The following CTNNA3 variants were observed in gnomAD, a reference collection of about 807,000 sequenced individuals.
CTNNA3 encodes the protein catenin alpha 3, also known as catenin alpha-3.
Under a neutral mutation model 95.7 loss-of-function variants are expected in CTNNA3, and 76 were observed. That is an observed-to-expected ratio of 0.79 (90% CI 0.66 to 0.96). The LOEUF is 0.96. Among genes scored for constraint, CTNNA3 ranks in the 40% least tolerant of loss-of-function variants. The pLI is 0.00. For missense variants in CTNNA3, 1,191 were observed against 1,089.8 expected, an observed-to-expected ratio of 1.09 and a Z score of -1.31; for synonymous variants, 431 against 374.4, an observed-to-expected ratio of 1.15 and a Z score of -1.74.
intron 5 of CTNNA3, among the ~76,000 whole-genome samples, chr10:67,389,322 A>G (rs1467005599): frequency 1.3e-5 from 2 of 150,886 alleles, no homozygotes; most frequent in Admixed American, 6.6e-5. Context: ...GAAGGCCATT[A>G]CATAATGGTA....
At chr10:66,716,735 T>C (rs1848462777) in intron 9 of CTNNA3, among the ~76,000 whole-genome samples, 2 of 152,288 alleles carry the variant, frequency 1.3e-5, no homozygotes, top group African/African-American at 4.8e-5. Flanking sequence ...GGCTTTACCC[T>C]AGGAGTAAGG....
At chr10:66,819,475 A>C (rs972290916) in intron 7 of CTNNA3, among the ~76,000 whole-genome samples, 7 of 152,178 alleles carry the variant, frequency 4.6e-5, no homozygotes, top group Non-Finnish European at 8.8e-5. Flanking sequence ...GCAGCGAAAA[A>C]TAAATAGGTA....
At chr10:67,725,812 G>T (rs186717516) in intron 1 of CTNNA3, among the ~76,000 whole-genome samples, 1 of 149,854 alleles carries the variant, frequency 6.7e-6, no homozygotes, top group Non-Finnish European at 1.5e-5. Context: ...CCCCTTATTC[G>T]CCAAAATCTT....
intron 7 of CTNNA3, among the ~76,000 whole-genome samples, chr10:67,009,384 CTTG>C (rs1852188571): frequency 6.6e-6 from 1 of 151,870 alleles, no homozygotes; most frequent in South Asian, 2.1e-4. Flanking sequence ...ATTTATTCCA[CTTG>C]TTGTTATTGC....
intron 12 of CTNNA3, among the ~76,000 whole-genome samples, chr10:66,282,062 G>A (rs1483719392): frequency 6.6e-6 from 1 of 151,806 alleles, no homozygotes; most frequent in Non-Finnish European, 1.5e-5. Flanking sequence ...TGTGACTAGT[G>A]ATTACCATTT....
intron 13 of CTNNA3, among the ~76,000 whole-genome samples, chr10:66,105,604 G>A (rs886930668): frequency 1.2e-4 from 19 of 152,202 alleles, no homozygotes; most frequent in African/African-American, 4.3e-4. Flanking sequence ...AGTCACAAGT[G>A]CCATTTTTGT....
At chr10:67,350,645 A>G (rs1428045104) in intron 5 of CTNNA3, among the ~76,000 whole-genome samples, 1 of 151,668 alleles carries the variant, frequency 6.6e-6, no homozygotes, top group African/African-American at 2.4e-5. Flanking sequence ...ACTGAGAAAC[A>G]TCTTTACACC....
intron 10 of CTNNA3, among the ~76,000 whole-genome samples, chr10:66,545,544 T>C (rs1359090320): frequency 6.6e-6 from 1 of 152,098 alleles, no homozygotes; most frequent in Non-Finnish European, 1.5e-5. Context: ...CTTCAGATTA[T>C]GTGTCTGGGA....
At chr10:65,926,196 A>T (rs1040040466) in intron 17 of CTNNA3, among the ~76,000 whole-genome samples, 5 of 151,616 alleles carry the variant, frequency 3.3e-5, no homozygotes, top group Non-Finnish European at 5.9e-5. Context: ...TGAATGCTTA[A>T]TTACATATAA....
At chr10:67,663,795 C>T (rs1427309005) in intron 1 of CTNNA3, among the ~76,000 whole-genome samples, 5 of 152,088 alleles carry the variant, frequency 3.3e-5, no homozygotes. Flanking sequence ...TAACTACTAC[C>T]CTCTTGTCTT....
chr10:66,775,573 T>C (rs1392438485), intron 7 of CTNNA3, 49 bp from the exon 8 acceptor site: 2 of 1,328,344 alleles, frequency 1.5e-6, no homozygotes, highest in East Asian at 2.3e-5. Context: ...TTAATCTTTA[T>C]CACTTAGCAA....
intron 2 of CTNNA3, among the ~76,000 whole-genome samples, chr10:67,616,534 G>A (rs1351555690): frequency 6.6e-6 from 1 of 152,198 alleles, no homozygotes. Context: ...ATATTCTAAA[G>A]TGTCAACAAG....
chr10:66,388,745 A>T (rs373380247), intron 11 of CTNNA3, among the ~76,000 whole-genome samples: 12 of 152,292 alleles, frequency 7.9e-5, no homozygotes, highest in African/African-American at 2.9e-4. Context: ...ATATTAGAGA[A>T]GATGTGTAAA....
chr10:66,627,752 A>G (rs1383199321), intron 9 of CTNNA3, among the ~76,000 whole-genome samples: 1 of 152,196 alleles, frequency 6.6e-6, no homozygotes, highest in African/African-American at 2.4e-5. Context: ...TCCTGCACAT[A>G]CAGATAAGTG....
In CTNNA3 at chr10:66,562,756, C is replaced by T. The variant is rs140643309; in HGVS notation, c.1375-41983G>A. On this transcript the variant is annotated intron_variant, in intron 10 of 17. Transcript: ENST00000433211. Reference sequence around the variant, plus strand: ...TATTGATTGTAAAATAGTCTAATAACTATATTTATTATTTTATAAAATAAT... The same window carrying T: ...TATTGATTGTAAAATAGTCTAATAATTATATTTATTATTTTATAAAATAAT... 6.8e-3 allele frequency among the ~76,000 whole-genome samples: 1,033 copies of T among 151,652 alleles called. 15 individuals carry two copies. Among genetic ancestry groups the T allele is most frequent in the African/African-American group, 0.024 (988 of 41,396 alleles).
intron 5 of CTNNA3, among the ~76,000 whole-genome samples, chr10:67,488,488 GC>G (rs1848529785): frequency 6.6e-6 from 1 of 151,918 alleles, no homozygotes; most frequent in African/African-American, 2.4e-5. Flanking sequence ...TCCTGCCTCA[GC>G]CCCCTGAGTA....
chr10:67,179,979 C>A (rs1862435751), intron 7 of CTNNA3, among the ~76,000 whole-genome samples: 2 of 152,170 alleles, frequency 1.3e-5, no homozygotes, highest in Non-Finnish European at 2.9e-5. Flanking sequence ...CCTGAGCAAT[C>A]TGCCCCTCTC....
intron 11 of CTNNA3, among the ~76,000 whole-genome samples, chr10:66,395,160 T>C (rs2092965896): frequency 6.6e-6 from 1 of 152,046 alleles, no homozygotes; most frequent in African/African-American, 2.4e-5. Context: ...GAAGTTCACT[T>C]TCCTAGTCAA....
intron 7 of CTNNA3, among the ~76,000 whole-genome samples, chr10:67,026,742 G>A (rs1853414215): frequency 6.6e-6 from 1 of 152,150 alleles, no homozygotes; most frequent in Non-Finnish European, 1.5e-5. Flanking sequence ...AACCTCTTCT[G>A]TCTGGTTCTT....
Sources: gnomAD v4.1 joint callset for allele counts (sites outside exome capture counted in the v4.1 genomes callset) on GRCh38, gnomAD v4.1.1 for gene constraint, MANE v1.5 for transcripts, NCBI Gene and HGNC (gene_info 2026-07-23, HGNC 2026-07-21) for gene names.